Variants in CSMD1 observed in about 807,000 individuals in gnomAD.
CSMD1 encodes CUB and Sushi multiple domains 1.
CSMD1 carries 213 observed loss-of-function variants against 417.5 expected under a neutral mutation model. The ratio of observed to expected loss-of-function variants is 0.51; its 90% confidence interval spans 0.46 to 0.57. The LOEUF is 0.57. CSMD1 is among the 20% of genes least tolerant of loss of function. CSMD1 has a pLI of 0.00. For synonymous variants in CSMD1, 2,862 were observed against 1,736.8 expected (o/e 1.65, Z -16.11); for missense variants, 6,923 against 4,529.7 (o/e 1.53, Z -15.17).
At chr8:4,445,035 T>C (rs974378591) in intron 2 of CSMD1, among the ~76,000 whole-genome samples, 2 of 152,236 alleles carry the variant, frequency 1.3e-5, no homozygotes, top group East Asian at 3.8e-4. Flanking sequence ...TATACCCATA[T>C]TGAAATCACT....
At chr8:3,289,373 C>G (rs1328165325) in intron 25 of CSMD1, among the ~76,000 whole-genome samples, 1 of 147,396 alleles carries the variant, frequency 6.8e-6, no homozygotes, top group South Asian at 2.1e-4. Flanking sequence ...AATGGTATTT[C>G]TAGTTCTAGA....
At chr8:3,803,905 G>A (rs1441871525) in intron 5 of CSMD1, among the ~76,000 whole-genome samples, 2 of 152,120 alleles carry the variant, frequency 1.3e-5, no homozygotes, top group African/African-American at 2.4e-5. Context: ...CAGACAAGGA[G>A]AGAAGGTTAA....
chr8:4,288,803 G>A (rs1393026803), intron 3 of CSMD1, among the ~76,000 whole-genome samples: 3 of 152,128 alleles, frequency 2.0e-5, no homozygotes, highest in Non-Finnish European at 4.4e-5. Flanking sequence ...AGCCAACATT[G>A]AGCAAAATCA....
At chr8:4,967,940 G>T (rs1449565862) in intron 1 of CSMD1, among the ~76,000 whole-genome samples, 1 of 152,100 alleles carries the variant, frequency 6.6e-6, no homozygotes, top group Non-Finnish European at 1.5e-5. Context: ...GATTGAAAAT[G>T]ATGTATTTTT....
At chr8:3,131,622 C>T (rs1217448538) in intron 41 of CSMD1, among the ~76,000 whole-genome samples, 1 of 151,982 alleles carries the variant, frequency 6.6e-6, no homozygotes, top group African/African-American at 2.4e-5. Context: ...AAGTTGCCTG[C>T]CACCATGCCC....
intron 40 of CSMD1, among the ~76,000 whole-genome samples, chr8:3,149,328 T>C (rs963261254): frequency 6.6e-6 from 1 of 152,190 alleles, no homozygotes; most frequent in African/African-American, 2.4e-5. Flanking sequence ...ATGTTTCCAG[T>C]TAGTTTTGAG....
At chr8:3,572,091 G>A (rs1799968195) in intron 10 of CSMD1, among the ~76,000 whole-genome samples, 1 of 152,114 alleles carries the variant, frequency 6.6e-6, no homozygotes, top group Non-Finnish European at 1.5e-5. Flanking sequence ...CAGGCATTTG[G>A]CTCCATCCTG....
chr8:4,507,365 A>G (rs993102765), intron 2 of CSMD1, among the ~76,000 whole-genome samples: 8 of 152,186 alleles, frequency 5.3e-5, no homozygotes, highest in Admixed American at 3.3e-4. Flanking sequence ...AGACTCTCCC[A>G]TTAGATAGTT....
intron 3 of CSMD1, among the ~76,000 whole-genome samples, chr8:4,196,708 T>C (rs188062359): frequency 3.2e-4 from 48 of 152,280 alleles, no homozygotes; most frequent in Admixed American, 1.0e-3. Flanking sequence ...ATAGCTAGAA[T>C]AGGTCCACCA....
At chr8:3,691,443 G>C (rs1800240159) in intron 7 of CSMD1, among the ~76,000 whole-genome samples, 1 of 152,110 alleles carries the variant, frequency 6.6e-6, no homozygotes, top group Non-Finnish European at 1.5e-5. Flanking sequence ...GAGAAGATTG[G>C]CGCTTCCTTT....
At chr8:2,983,301 C>T (rs1308413654) in intron 54 of CSMD1, among the ~76,000 whole-genome samples, 1 of 152,080 alleles carries the variant, frequency 6.6e-6, no homozygotes, top group African/African-American at 2.4e-5. Flanking sequence ...ATTCTCCTGC[C>T]TCAGCCTCCC....
intron 4 of CSMD1, among the ~76,000 whole-genome samples, chr8:4,011,415 C>A (rs900652729): frequency 6.6e-6 from 1 of 152,174 alleles, no homozygotes; most frequent in Non-Finnish European, 1.5e-5. Flanking sequence ...GCCTTACTTT[C>A]TGAAATTCCT....
At position 3,359,218 on chromosome 8, in the gene CSMD1, C is replaced by A; in HGVS notation, c.3238G>T (p.Ala1080Ser). ...CCACCCAGGCAGGTAAGCTTGGTGG[C>A]ACCTTCTAAACGATATCCCAGGAAG... ...SCFLGYRLEGATKLTCLGGGR... is the reference protein window; with the variant it reads ...SCFLGYRLEGSTKLTCLGGGR... Residue 1080 changes from alanine (A) to serine (S), a missense_variant, in exon 21 of 70, where the codon GCC becomes TCC. Coordinates refer to ENST00000635120, the MANE Select transcript of CSMD1 (RefSeq NM_033225.6). The A allele has an allele frequency of 6.2e-7, 1 of 1,613,906 alleles. No homozygotes were observed. Among genetic ancestry groups the A allele is most frequent in the East Asian group, 2.2e-5 (1 of 44,834 alleles).
chr8:4,491,795 G>C (rs752692700), intron 2 of CSMD1, among the ~76,000 whole-genome samples: 1 of 152,130 alleles, frequency 6.6e-6, no homozygotes, highest in African/African-American at 2.4e-5. Context: ...GTAGAGTCAC[G>C]TTGGCAGACA....
chr8:3,794,825 G>C (rs1485276333), intron 5 of CSMD1, among the ~76,000 whole-genome samples: 1 of 151,626 alleles, frequency 6.6e-6, no homozygotes, highest in Non-Finnish European at 1.5e-5. Context: ...TAATTCTGAA[G>C]GTAAAATTAT....
At chr8:4,269,786 A>T (rs925959403) in intron 3 of CSMD1, among the ~76,000 whole-genome samples, 7 of 152,200 alleles carry the variant, frequency 4.6e-5, no homozygotes, top group African/African-American at 1.7e-4. Flanking sequence ...CATGAAAATT[A>T]TATACAGGTG....
At chr8:4,357,694 CAAAT>C (rs1451511120) in intron 3 of CSMD1, among the ~76,000 whole-genome samples, 1 of 151,666 alleles carries the variant, frequency 6.6e-6, no homozygotes, top group East Asian at 1.9e-4. Context: ...AAAAACTTAA[CAAAT>C]AATCAGAATT....
intron 1 of CSMD1, among the ~76,000 whole-genome samples, chr8:4,874,545 T>A (rs1379897182): frequency 4.0e-5 from 6 of 151,548 alleles, no homozygotes; most frequent in African/African-American, 1.5e-4. Flanking sequence ...GCCTGCCACC[T>A]CTCCCGGCTA....
chr8:4,549,685 T>G (rs575838840), intron 2 of CSMD1, among the ~76,000 whole-genome samples: 1 of 151,748 alleles, frequency 6.6e-6, no homozygotes, highest in East Asian at 1.9e-4. Flanking sequence ...GTTCAGGAGT[T>G]CAAGACCAGC....
Sources: gnomAD v4.1 joint callset for allele counts (sites outside exome capture counted in the v4.1 genomes callset) on GRCh38, gnomAD v4.1.1 for gene constraint, MANE v1.5 for transcripts, NCBI Gene and HGNC (gene_info 2026-07-23, HGNC 2026-07-21) for gene names.